Variants in MAGI2 observed in about 807,000 individuals in gnomAD.
MAGI2 encodes membrane-associated guanylate kinase, WW and PDZ domain-containing protein 2.
In MAGI2, 35 loss-of-function variants were observed where a neutral mutation model predicts 133.3. That is an observed-to-expected ratio of 0.26 (90% confidence interval 0.20 to 0.35). The LOEUF is 0.35. Among genes scored for constraint, MAGI2 ranks in the 10% least tolerant of loss-of-function variants. The pLI, the probability that MAGI2 is intolerant of heterozygous loss-of-function variation, is 1.00. For synonymous variants in MAGI2, 729 were observed against 710.6 expected (o/e 1.03, Z -0.41); for missense variants, 1,636 against 1,863.4 (o/e 0.88, Z 2.25).
chr7:78,687,260 G>A (rs950576443), intron 2 of MAGI2, among the ~76,000 whole-genome samples: 1 of 152,160 alleles, frequency 6.6e-6, no homozygotes, highest in South Asian at 2.1e-4. Flanking sequence ...GTATATAAAC[G>A]CTATATACCA....
chr7:78,803,456 G>T (rs370385200), intron 2 of MAGI2, among the ~76,000 whole-genome samples: 1 of 152,086 alleles, frequency 6.6e-6, no homozygotes, highest in African/African-American at 2.4e-5. Flanking sequence ...GTGCATTAAG[G>T]TCAGAAAAAT....
intron 1 of MAGI2, among the ~76,000 whole-genome samples, chr7:79,121,369 G>C (rs11984038): frequency 7.4e-4 from 112 of 152,040 alleles, no homozygotes; most frequent in African/African-American, 2.6e-3. Context: ...CATCCTTTCT[G>C]CTTTCCAGCA....
rs554163365 is a variant in MAGI2, at chr7:78,759,207, G to A, written c.419-131968C>T. On this transcript the variant is annotated intron_variant, in intron 2 of 21. Transcript: ENST00000354212. Reference sequence around the variant, plus strand: ...ATATTAAGTAATCAAGTCTACCAGAGTCAGAAATAATAAAAAAAAACTATA... The same window carrying A: ...ATATTAAGTAATCAAGTCTACCAGAATCAGAAATAATAAAAAAAAACTATA... Among the ~76,000 whole-genome samples, 4 of 151,862 alleles carry A rather than the reference G, an allele frequency of 2.6e-5. No individual in the cohort carries two copies. The East Asian group carries it at 7.7e-4, about 29-fold the overall frequency.
At chr7:79,380,662 T>C (rs1470394879) in intron 1 of MAGI2, among the ~76,000 whole-genome samples, 1 of 151,778 alleles carries the variant, frequency 6.6e-6, no homozygotes, top group Non-Finnish European at 1.5e-5. Flanking sequence ...TCTAAATTCT[T>C]TGTTTAATCT....
chr7:78,532,657 C>T (rs540208397), intron 3 of MAGI2, among the ~76,000 whole-genome samples: 1 of 152,336 alleles, frequency 6.6e-6, no homozygotes, highest in East Asian at 1.9e-4. Flanking sequence ...GTGACACAAA[C>T]ATAAAGCCTA....
intron 1 of MAGI2, among the ~76,000 whole-genome samples, chr7:79,014,857 T>C (rs1808530094): frequency 6.6e-6 from 1 of 152,184 alleles, no homozygotes; most frequent in Admixed American, 6.5e-5. Flanking sequence ...TCTTGGTTTA[T>C]TGCCTCTCTA....
At chr7:78,321,861 A>T (rs1297888096) in intron 9 of MAGI2, among the ~76,000 whole-genome samples, 1 of 152,226 alleles carries the variant, frequency 6.6e-6, no homozygotes, top group Non-Finnish European at 1.5e-5. Flanking sequence ...AAAATTTTGC[A>T]ATCTATCTAT....
chr7:79,048,299 A>C (rs1048853141), intron 1 of MAGI2, among the ~76,000 whole-genome samples: 2 of 152,198 alleles, frequency 1.3e-5, no homozygotes. Context: ...TTTACTACCT[A>C]GGCATGGAAA....
At chr7:79,288,229 T>G (rs150719170) in intron 1 of MAGI2, among the ~76,000 whole-genome samples, 1 of 152,302 alleles carries the variant, frequency 6.6e-6, no homozygotes, top group African/African-American at 2.4e-5. Context: ...AGTCTTGCTA[T>G]GCTTCAGCTT....
chr7:79,320,998 T>A (rs1442573053), intron 1 of MAGI2, among the ~76,000 whole-genome samples: 1 of 152,148 alleles, frequency 6.6e-6, no homozygotes, highest in Non-Finnish European at 1.5e-5. Context: ...AATTGTATAC[T>A]GTGGGCAGAT....
intron 2 of MAGI2, among the ~76,000 whole-genome samples, chr7:78,838,330 T>C (rs927596414): frequency 6.6e-6 from 1 of 152,068 alleles, no homozygotes; most frequent in Non-Finnish European, 1.5e-5. Context: ...CACAGAATCA[T>C]CTAATCAGGT....
At chr7:79,183,541 C>T (rs4730688) in intron 1 of MAGI2, among the ~76,000 whole-genome samples, 104,579 of 151,622 alleles carry the variant, frequency 0.69, 39,126 homozygotes, top group Non-Finnish European at 0.84. Context: ...GATATATATT[C>T]CACAAATATT....
At chr7:79,204,255 G>T (rs1828851092) in intron 1 of MAGI2, among the ~76,000 whole-genome samples, 1 of 152,028 alleles carries the variant, frequency 6.6e-6, no homozygotes, top group Non-Finnish European at 1.5e-5. Context: ...ACTGTTCCAG[G>T]CTTCAGGCTT....
At chr7:79,090,138 G>A (rs1411456684) in intron 1 of MAGI2, among the ~76,000 whole-genome samples, 1 of 151,798 alleles carries the variant, frequency 6.6e-6, no homozygotes, top group Non-Finnish European at 1.5e-5. Context: ...ATTTATAGCT[G>A]ATATTTTTCA....
chr7:78,087,931 C>G (rs985313068), intron 20 of MAGI2, among the ~76,000 whole-genome samples: 1 of 152,196 alleles, frequency 6.6e-6, no homozygotes, highest in Non-Finnish European at 1.5e-5. Context: ...TTTGACTGCT[C>G]AGGTGAAAAG....
At chr7:78,996,157 A>C (rs998190961) in intron 2 of MAGI2, among the ~76,000 whole-genome samples, 1 of 152,182 alleles carries the variant, frequency 6.6e-6, no homozygotes, top group Non-Finnish European at 1.5e-5. Flanking sequence ...AATTGAATTC[A>C]GGATATAAAG....
At chr7:78,556,675 G>C (rs1799852956) in intron 3 of MAGI2, among the ~76,000 whole-genome samples, 2 of 152,122 alleles carry the variant, frequency 1.3e-5, no homozygotes, top group South Asian at 4.1e-4. Flanking sequence ...TATTGTCTAA[G>C]TATCTTCACA....
At chr7:79,361,654 A>G (rs1234730419) in intron 1 of MAGI2, among the ~76,000 whole-genome samples, 2 of 152,222 alleles carry the variant, frequency 1.3e-5, no homozygotes. Flanking sequence ...TCACATTCCC[A>G]TAACACACTC....
intron 10 of MAGI2, among the ~76,000 whole-genome samples, chr7:78,241,468 C>T (rs1791129963): frequency 2.0e-5 from 3 of 152,250 alleles, no homozygotes; most frequent in Admixed American, 6.5e-5. Context: ...TCAGATTTCT[C>T]ACATTTGGGG....
Sources: gnomAD v4.1 joint callset for allele counts (sites outside exome capture counted in the v4.1 genomes callset) on GRCh38, gnomAD v4.1.1 for gene constraint, MANE v1.5 for transcripts, NCBI Gene and HGNC (gene_info 2026-07-23, HGNC 2026-07-21) for gene names.